NAV1: variants seen among roughly 807,000 people sequenced by gnomAD.
NAV1 encodes neuron navigator 1, also known as pore membrane and/or filament interacting like protein 3.
NAV1 carries 18 observed loss-of-function variants against 175.2 expected under a neutral mutation model. That is an observed-to-expected ratio of 0.10 (90% CI 0.07 to 0.15). The LOEUF is 0.15. Ranked by LOEUF, NAV1 falls within the 10% of genes least tolerant of loss-of-function variation. The probability of loss-of-function intolerance (pLI) is 1.00; values close to 1 mark genes in which losing one functional copy is unlikely to be tolerated. For missense variants in NAV1, 1,731 were observed against 2,436.6 expected (o/e 0.71, Z 6.10); for synonymous variants, 897 against 978.7 (o/e 0.92, Z 1.56).
chr1:201,755,990 C>G (rs1217636992), intron 3 of NAV1, among the ~76,000 whole-genome samples: 1 of 151,572 alleles, frequency 6.6e-6, no homozygotes, highest in Non-Finnish European at 1.5e-5. Flanking sequence ...GCCTGTAATC[C>G]CAGCTACTCA....
intron 3 of NAV1, among the ~76,000 whole-genome samples, chr1:201,726,919 T>C (rs932030153): frequency 2.0e-5 from 3 of 152,208 alleles, no homozygotes; most frequent in African/African-American, 7.2e-5. Context: ...ATACCACAGA[T>C]GGGCAGAGCC....
intron 3 of NAV1, among the ~76,000 whole-genome samples, chr1:201,753,068 G>A (rs556564120): frequency 3.9e-5 from 6 of 152,250 alleles, no homozygotes; most frequent in South Asian, 2.1e-4. Context: ...TCTGGGATCC[G>A]AGAAGGAATT....
intron 2 of NAV1, among the ~76,000 whole-genome samples, chr1:201,591,938 T>A (rs930230977): frequency 6.6e-6 from 1 of 152,216 alleles, no homozygotes; most frequent in African/African-American, 2.4e-5. Context: ...AATTGCCACC[T>A]GGATAGAGCA....
At chr1:201,573,663 A>G (rs1418236034) in intron 1 of NAV1, among the ~76,000 whole-genome samples, 1 of 152,234 alleles carries the variant, frequency 6.6e-6, no homozygotes, top group East Asian at 1.9e-4. Flanking sequence ...GATGATTAAG[A>G]GAGCTAATAC....
chr1:201,665,563 C>G (rs192226053), intron 1 of NAV1, among the ~76,000 whole-genome samples: 2 of 137,704 alleles, frequency 1.5e-5, no homozygotes, highest in Non-Finnish European at 3.1e-5. Flanking sequence ...CAGTCTCTCT[C>G]TGGAGGGGTG....
exon 30 of NAV1, chr1:201,822,428 T>C (rs942128654): frequency 1.3e-5 from 2 of 152,688 alleles, no homozygotes; most frequent in African/African-American, 4.8e-5. Context: ...CTCTATTTTC[T>C]GGTGCTGCCC....
chr1:201,634,937 C>T (rs1668574250), intron 2 of NAV1, among the ~76,000 whole-genome samples: 1 of 152,154 alleles, frequency 6.6e-6, no homozygotes, highest in African/African-American at 2.4e-5. Context: ...TTGGCAAGAC[C>T]CAGCTTCCCT....
In NAV1 at chr1:201,807,934, T is replaced by C; in HGVS notation, c.3649-19T>C. ...AGTGGAGTCCTAATGTCCCTCTACC[T>C]GGATCTGCTTTTTTCTAGCTTCGAA... On this transcript the variant is annotated intron_variant, in intron 17 of 29. Coordinates refer to ENST00000367296, the Ensembl canonical transcript of NAV1. This position sits in a 1 kb window ranked among gnomAD's most constrained non-coding sequence, Gnocchi z 5.4. 1 of 1,614,012 alleles carries C rather than the reference T, an allele frequency of 6.2e-7. No homozygotes were observed. The highest frequency in any genetic ancestry group is 8.5e-7 in the Non-Finnish European group (1 of 1,179,886).
chr1:201,650,023 C>G (rs1669128286), intron 1 of NAV1, among the ~76,000 whole-genome samples: 1 of 152,216 alleles, frequency 6.6e-6, no homozygotes, highest in Admixed American at 6.5e-5. Flanking sequence ...CTGTGCGCAT[C>G]TGGGCGCATG....
rs58216500 is a variant in NAV1 at position 201,670,380 on chromosome 1, C to CAAA, written c.757+20981_757+20983dup. ...TGGGCGACAGAGCGAGACTCCATCT[C>CAAA]AAAAAAAAAAAAAAAAAAAAAAAAA... On this transcript the variant is annotated intron_variant, in intron 1 of 29. Coordinates refer to ENST00000367296, the Ensembl canonical transcript of NAV1. Among the ~76,000 whole-genome samples the CAAA allele has an allele frequency of 2.6e-3, 32 of 12,182 alleles. 4 individuals are homozygous for CAAA. The highest frequency in any genetic ancestry group is 7.6e-3 in the African/African-American group (27 of 3,544). 8.0% of individuals were successfully genotyped at this position (12,182 alleles called of 152,430 possible).
chr1:201,603,829 G>A (rs1352462955), intron 2 of NAV1, among the ~76,000 whole-genome samples: 2 of 152,188 alleles, frequency 1.3e-5, no homozygotes, highest in Non-Finnish European at 2.9e-5. Context: ...CTGGATGGAA[G>A]CCAGGTCTTT....
chr1:201,783,748 C>A, exon 7 of NAV1: 1 of 1,614,172 alleles, frequency 6.2e-7, no homozygotes, highest in Admixed American at 1.7e-5. Flanking sequence ...CCTTCCCCAG[C>A]AGTACTCCCG....
intron 29 of NAV1, among the ~76,000 whole-genome samples, chr1:201,817,906 C>T (rs1237651961): frequency 1.8e-4 from 28 of 152,164 alleles, no homozygotes; most frequent in South Asian, 2.1e-4. Context: ...TCTAAAATAT[C>T]TAAAATTTCC....
intron 1 of NAV1, among the ~76,000 whole-genome samples, chr1:201,565,143 A>C (rs959585446): frequency 1.3e-5 from 2 of 152,232 alleles, no homozygotes; most frequent in Non-Finnish European, 2.9e-5. Context: ...AGAGAACACT[A>C]ATGGTTCCTA....
chr1:201,696,401 C>T (rs953609668), intron 1 of NAV1, among the ~76,000 whole-genome samples: 3 of 152,188 alleles, frequency 2.0e-5, no homozygotes, highest in Admixed American at 6.5e-5. Context: ...AAGGTTCTTC[C>T]GAGGCCAGAA....
chr1:201,631,300 C>T (rs1388963454), intron 2 of NAV1, among the ~76,000 whole-genome samples: 1 of 152,174 alleles, frequency 6.6e-6, no homozygotes, highest in Admixed American at 6.5e-5. Context: ...GAAGAGCCTG[C>T]GCTCTTCTGA....
At chr1:201,635,015 T>C (rs1233883066) in intron 2 of NAV1, among the ~76,000 whole-genome samples, 1 of 152,078 alleles carries the variant, frequency 6.6e-6, no homozygotes, top group Non-Finnish European at 1.5e-5. Context: ...TCATATCCAA[T>C]TGACAATTTT....
chr1:201,679,345 C>T (rs1179696535), intron 1 of NAV1, among the ~76,000 whole-genome samples: 2 of 152,100 alleles, frequency 1.3e-5, no homozygotes, highest in African/African-American at 4.8e-5. Context: ...GAGCTCCTTC[C>T]ACCCCTAAAG....
rs1192165287 is a variant in NAV1 at position 201,596,787 on chromosome 1, C to T, written c.-33+8138C>T. ...ATGGGAAGATGTTGGACAAGCAGGG[C>T]GGGTTGTTTTTTTAGTTTGTTTGTT... is the stretch of plus-strand genomic sequence containing the variant. On this transcript the variant is annotated intron_variant, in intron 2 of 33. Transcript: ENST00000685211. 4.6e-5 allele frequency among the ~76,000 whole-genome samples: 7 copies of T among 151,748 alleles called. No individual in the cohort carries two copies. The South Asian group carries it at 6.3e-4, about 14-fold the overall frequency.
Sources: allele counts gnomAD v4.1 joint callset (sites outside exome capture counted in the v4.1 genomes callset), GRCh38; gene constraint gnomAD v4.1.1; non-coding constraint Gnocchi (gnomAD v3.1); transcripts MANE v1.5; gene names NCBI Gene and HGNC (gene_info 2026-07-23, HGNC 2026-07-21).